Variants in POU6F2 observed in about 807,000 individuals in gnomAD.
POU6F2 encodes POU domain, class 6, transcription factor 2.
In POU6F2, 31 loss-of-function variants were observed where a neutral mutation model predicts 71.3. The ratio of observed to expected loss-of-function variants is 0.43; its 90% CI spans 0.33 to 0.59. The LOEUF is 0.59. Ranked by LOEUF, POU6F2 falls within the 20% of genes least tolerant of loss-of-function variation. The pLI is 0.04. For missense variants in POU6F2, 783 were observed against 856.8 expected (o/e 0.91, Z 1.07); for synonymous variants, 347 against 355.7 (o/e 0.98, Z 0.27).
chr7:39,389,359 C>T (rs78779074), intron 5 of POU6F2, among the ~76,000 whole-genome samples: 2,900 of 152,204 alleles, frequency 0.019, 81 homozygotes, highest in East Asian at 0.1. Flanking sequence ...AGGCTTTTAA[C>T]TGTAATATTT....
intron 5 of POU6F2, among the ~76,000 whole-genome samples, chr7:39,400,095 C>T (rs544544653): frequency 6.6e-6 from 1 of 152,250 alleles, no homozygotes; most frequent in Non-Finnish European, 1.5e-5. Flanking sequence ...CCCTCTCCTT[C>T]GTTCGGGAGT....
intron 1 of POU6F2, among the ~76,000 whole-genome samples, chr7:39,042,452 T>C (rs1009652003): frequency 3.8e-4 from 57 of 151,936 alleles, no homozygotes; most frequent in African/African-American, 1.2e-3. Flanking sequence ...GCAGTGATCA[T>C]GGAAGGATGT....
At chr7:39,179,334 T>TTA (rs1793389947) in intron 2 of POU6F2, among the ~76,000 whole-genome samples, 1 of 152,222 alleles carries the variant, frequency 6.6e-6, no homozygotes. Flanking sequence ...CAAAGTTACT[T>TTA]TACCTCCCAG....
chr7:39,084,088 C>G (rs141552061), intron 1 of POU6F2, among the ~76,000 whole-genome samples: 1 of 152,204 alleles, frequency 6.6e-6, no homozygotes, highest in East Asian at 1.9e-4. Context: ...CAGTCTTTCT[C>G]TCTCCCTCAT....
intron 5 of POU6F2, among the ~76,000 whole-genome samples, chr7:39,341,737 G>A (rs1785921618): frequency 6.6e-6 from 1 of 152,118 alleles, no homozygotes; most frequent in Non-Finnish European, 1.5e-5. Flanking sequence ...CTTCCTGTTA[G>A]GTGAAAGTTT....
chr7:39,183,842 A>C (rs1793482348), intron 2 of POU6F2, among the ~76,000 whole-genome samples: 1 of 152,236 alleles, frequency 6.6e-6, no homozygotes, highest in African/African-American at 2.4e-5. Flanking sequence ...CGTTATCCAC[A>C]ATAACAAATA....
chr7:39,195,268 G>T (rs962568416), intron 2 of POU6F2, among the ~76,000 whole-genome samples: 1 of 152,138 alleles, frequency 6.6e-6, no homozygotes, highest in Non-Finnish European at 1.5e-5. Context: ...CTACTGCCCA[G>T]GAAGAACCAC....
At chr7:39,102,240 GT>G (rs2128723876) in intron 2 of POU6F2, among the ~76,000 whole-genome samples, 1 of 152,270 alleles carries the variant, frequency 6.6e-6, no homozygotes, top group Non-Finnish European at 1.5e-5. Flanking sequence ...TATTAAGTGT[GT>G]CCCCAGTTGC....
At chr7:39,379,474 A>G (rs1786781070) in intron 5 of POU6F2, among the ~76,000 whole-genome samples, 1 of 152,152 alleles carries the variant, frequency 6.6e-6, no homozygotes, top group Non-Finnish European at 1.5e-5. Context: ...ACCTGCCTGC[A>G]GAATCATTTC....
At chr7:39,171,304 T>C (rs1793215256) in intron 2 of POU6F2, among the ~76,000 whole-genome samples, 1 of 152,138 alleles carries the variant, frequency 6.6e-6, no homozygotes, top group Admixed American at 6.5e-5. Flanking sequence ...AGTTCTGCTA[T>C]AAAATACTGC....
At position 39,465,426 on chromosome 7, in the gene POU6F2, G is replaced by A. The variant is rs1349355615; in HGVS notation, c.*740G>A. 6.6e-6 allele frequency: 1 copy of A among 152,162 alleles called. No homozygotes were observed. Among genetic ancestry groups the A allele is most frequent in the Non-Finnish European group, 1.5e-5 (1 of 68,034 alleles). 9.4% of individuals were successfully genotyped at this position (152,162 alleles called of 1,614,324 possible). On this transcript the variant is annotated 3_prime_UTR_variant, in exon 10 of 10. Coordinates refer to ENST00000518318, the MANE Select transcript of POU6F2 (RefSeq NM_001370959.1). The stretch of plus-strand genomic sequence containing the variant: ...TGGGTTTTTTTGTGGGGGTGGTAGG[G>A]AGGGTGGTCTTTTTTCTTTGTCTTT...
intron 2 of POU6F2, among the ~76,000 whole-genome samples, chr7:39,141,051 C>T (rs1408811591): frequency 1.3e-5 from 2 of 152,138 alleles, no homozygotes; most frequent in Non-Finnish European, 1.5e-5. Flanking sequence ...ATTCCGAGCA[C>T]TCCCTGAGCC....
intron 1 of POU6F2, among the ~76,000 whole-genome samples, chr7:39,050,063 T>C (rs536531963): frequency 1.3e-5 from 2 of 152,212 alleles, no homozygotes; most frequent in East Asian, 3.9e-4. Context: ...TGGAGGTTAT[T>C]ACCAATATTG....
chr7:39,085,836 C>T (rs1243513237), intron 1 of POU6F2, 24 bp from the exon 2 acceptor site: 1 of 1,610,870 alleles, frequency 6.2e-7, no homozygotes. Context: ...TTTTCCTCCC[C>T]TTCACTCTTT....
chr7:39,238,819 G>A lies in POU6F2; in HGVS notation c.598+31199G>A, dbSNP rs954716247. 2.0e-4 allele frequency among the ~76,000 whole-genome samples: 31 copies of A among 152,186 alleles called. 1 individual carries two copies. The highest frequency in any genetic ancestry group is 7.0e-4 in the African/African-American group (29 of 41,458). ...TATCAAGAGGAAAATGGGTGAATAC[G>A]TTGTGGTGTAGTATTTGTGCAGTCA... On this transcript the variant is annotated intron_variant, in intron 4 of 9. Coordinates refer to ENST00000518318, the MANE Select transcript of POU6F2 (RefSeq NM_001370959.1).
intron 2 of POU6F2, among the ~76,000 whole-genome samples, chr7:39,140,097 A>G (rs1164327415): frequency 2.0e-5 from 3 of 152,202 alleles, no homozygotes; most frequent in Admixed American, 6.5e-5. Context: ...TCCCCACATC[A>G]TAGGGTTGTT....
intron 1 of POU6F2, among the ~76,000 whole-genome samples, chr7:39,055,536 T>C (rs1164676082): frequency 4.6e-5 from 7 of 152,194 alleles, no homozygotes. Context: ...TTTAACTTCC[T>C]GTTAAAGATG....
At chr7:39,381,372 G>A (rs1786825322) in intron 5 of POU6F2, among the ~76,000 whole-genome samples, 2 of 152,064 alleles carry the variant, frequency 1.3e-5, no homozygotes, top group Admixed American at 1.3e-4. Flanking sequence ...TGAGTAGCTG[G>A]GACTACAGGC....
intron 4 of POU6F2, among the ~76,000 whole-genome samples, chr7:39,280,356 AAC>A (rs899736630): frequency 4.6e-5 from 7 of 152,184 alleles, no homozygotes; most frequent in Non-Finnish European, 7.3e-5. Flanking sequence ...CAACCAAGGA[AAC>A]ACAGTCCATG....
Sources: gnomAD v4.1 joint callset for allele counts (sites outside exome capture counted in the v4.1 genomes callset) on GRCh38, gnomAD v4.1.1 for gene constraint, MANE v1.5 for transcripts, NCBI Gene and HGNC (gene_info 2026-07-23, HGNC 2026-07-21) for gene names.